The following SORCS3 variants were observed in gnomAD, a reference collection of about 807,000 sequenced individuals.
The protein encoded by SORCS3 is sortilin related VPS10 domain containing receptor 3.
Under a neutral mutation model 146.3 loss-of-function variants are expected in SORCS3, and 57 were observed. The observed-to-expected ratio is 0.39, with a 90% CI of 0.31 to 0.49. The LOEUF (loss-of-function observed/expected upper bound fraction) is 0.49, where lower values mean the gene tolerates loss of function less well. Among genes scored for constraint, SORCS3 ranks in the 20% least tolerant of loss-of-function variants. The pLI is 0.92. For synonymous variants in SORCS3, 653 were observed against 618.5 expected (o/e 1.06, Z -0.83); for missense variants, 1,341 against 1,575.5 (o/e 0.85, Z 2.52).
chr10:105,141,556 G>T (rs1432136379), intron 8 of SORCS3, among the ~76,000 whole-genome samples: 1 of 152,132 alleles, frequency 6.6e-6, no homozygotes, highest in Non-Finnish European at 1.5e-5. Context: ...CATTGCCCTC[G>T]CACCTCTGCT....
At chr10:104,881,133 A>T (rs2018626220) in intron 2 of SORCS3, among the ~76,000 whole-genome samples, 1 of 152,224 alleles carries the variant, frequency 6.6e-6, no homozygotes, top group Non-Finnish European at 1.5e-5. Context: ...ATGCAGATTT[A>T]AAAGGACAGA....
intron 18 of SORCS3, among the ~76,000 whole-genome samples, chr10:105,215,141 G>C (rs2056657524): frequency 6.6e-6 from 1 of 152,172 alleles, no homozygotes; most frequent in Non-Finnish European, 1.5e-5. Flanking sequence ...TTTTCTATCA[G>C]CTAGATGCTG....
intron 5 of SORCS3, among the ~76,000 whole-genome samples, chr10:105,052,484 A>C (rs1035350646): frequency 6.6e-6 from 1 of 152,274 alleles, no homozygotes; most frequent in East Asian, 1.9e-4. Flanking sequence ...ACTGATAATA[A>C]ACTTGCAGAG....
intron 4 of SORCS3, among the ~76,000 whole-genome samples, chr10:105,035,110 C>G (rs960429973): frequency 6.6e-6 from 1 of 152,264 alleles, no homozygotes; most frequent in African/African-American, 2.4e-5. Flanking sequence ...AACTGGGGCT[C>G]AAAAACATAC....
At chr10:105,169,643 C>T (rs995982814) in intron 13 of SORCS3, among the ~76,000 whole-genome samples, 20 of 152,154 alleles carry the variant, frequency 1.3e-4, no homozygotes, top group Middle Eastern at 3.4e-3. Flanking sequence ...AGGACTCAGA[C>T]GAACTTACAT....
chr10:104,959,003 A>G (rs1410818267), intron 3 of SORCS3, among the ~76,000 whole-genome samples: 1 of 152,070 alleles, frequency 6.6e-6, no homozygotes, highest in Non-Finnish European at 1.5e-5. Flanking sequence ...GGGGATTACA[A>G]TTTGAGATGA....
chr10:105,093,772 A>G (rs2055726224), intron 6 of SORCS3, among the ~76,000 whole-genome samples: 1 of 152,168 alleles, frequency 6.6e-6, no homozygotes, highest in South Asian at 2.1e-4. Flanking sequence ...TAGAACTCTC[A>G]TACATTGCTG....
At chr10:105,254,202 G>A (rs545959982) in intron 23 of SORCS3, among the ~76,000 whole-genome samples, 4 of 152,308 alleles carry the variant, frequency 2.6e-5, no homozygotes, top group East Asian at 1.9e-4. Flanking sequence ...GATAGAAAAC[G>A]CAGAGGAGAG....
At chr10:104,646,968 T>C (rs1252241472) in intron 1 of SORCS3, among the ~76,000 whole-genome samples, 1 of 152,138 alleles carries the variant, frequency 6.6e-6, no homozygotes, top group African/African-American at 2.4e-5. Flanking sequence ...TACACATGGT[T>C]GGCACTTGAT....
intron 8 of SORCS3, among the ~76,000 whole-genome samples, chr10:105,142,375 G>A (rs536933137): frequency 2.6e-5 from 4 of 152,246 alleles, no homozygotes; most frequent in South Asian, 2.1e-4. Flanking sequence ...AGATTCAGAC[G>A]TCTGTCTTGT....
chr10:104,794,630 A>G lies in SORCS3; in HGVS notation c.628-48162A>G, dbSNP rs201153472. ...GAGAGAGAGAGAGGGAGGGAGAGAG[A>G]GAGAGAGAGAGAGAGAGAGAGAGAG... On this transcript the variant is annotated intron_variant, in intron 1 of 26. Transcript: ENST00000369701. Among the ~76,000 whole-genome samples the G allele has an allele frequency of 4.7e-3, 388 of 81,748 alleles. 4 individuals carry two copies. The highest frequency in any genetic ancestry group is 0.017 in the African/African-American group (313 of 18,134). 53.6% of individuals were successfully genotyped at this position (81,748 alleles called of 152,430 possible).
intron 7 of SORCS3, among the ~76,000 whole-genome samples, chr10:105,119,517 T>C (rs2133763979): frequency 6.6e-6 from 1 of 152,246 alleles, no homozygotes; most frequent in South Asian, 2.1e-4. Context: ...ACTGTGTGCC[T>C]GGAAAAGTCA....
chr10:105,170,522 A>G (rs947009887), intron 13 of SORCS3, among the ~76,000 whole-genome samples: 10 of 152,118 alleles, frequency 6.6e-5, no homozygotes, highest in Non-Finnish European at 1.3e-4. Flanking sequence ...ATTAAGAATG[A>G]TTTTTCAAAC....
intron 8 of SORCS3, among the ~76,000 whole-genome samples, chr10:105,147,403 A>G (rs1447596139): frequency 2.0e-5 from 3 of 152,180 alleles, no homozygotes; most frequent in Admixed American, 6.6e-5. Context: ...GATATCAACC[A>G]AAGCCCCTAA....
chr10:104,743,899 G>A (rs1026660793), intron 1 of SORCS3, among the ~76,000 whole-genome samples: 1 of 152,172 alleles, frequency 6.6e-6, no homozygotes, highest in African/African-American at 2.4e-5. Flanking sequence ...ACAATAAAAA[G>A]GCTTCAGAAT....
chr10:105,195,973 A>G (rs1416395586), intron 14 of SORCS3, among the ~76,000 whole-genome samples: 1 of 152,226 alleles, frequency 6.6e-6, no homozygotes, highest in East Asian at 1.9e-4. Context: ...GAAACACAAT[A>G]TAAGAAAATC....
intron 4 of SORCS3, among the ~76,000 whole-genome samples, chr10:105,028,215 T>G (rs1408379446): frequency 6.6e-6 from 1 of 152,236 alleles, no homozygotes; most frequent in African/African-American, 2.4e-5. Flanking sequence ...GTCAGTACCC[T>G]GTGTTTTCCC....
chr10:104,713,040 G>A (rs2016436631), intron 1 of SORCS3, among the ~76,000 whole-genome samples: 1 of 152,138 alleles, frequency 6.6e-6, no homozygotes, highest in Non-Finnish European at 1.5e-5. Flanking sequence ...TTTTCAAGAT[G>A]TGCATTCAGT....
intron 1 of SORCS3, among the ~76,000 whole-genome samples, chr10:104,735,550 A>G (rs2016761241): frequency 7.1e-6 from 1 of 141,540 alleles, no homozygotes; most frequent in Non-Finnish European, 1.5e-5. Flanking sequence ...CATAGGGTTC[A>G]AGGAAACTGG....
Sources: allele counts gnomAD v4.1 joint callset (sites outside exome capture counted in the v4.1 genomes callset), GRCh38; gene constraint gnomAD v4.1.1; transcripts MANE v1.5; gene names NCBI Gene and HGNC (gene_info 2026-07-23, HGNC 2026-07-21).